The following PCDH15 variants were observed in gnomAD, a reference collection of about 807,000 sequenced individuals.
The protein encoded by PCDH15 is protocadherin-15.
A neutral mutation model predicts 178.5 loss-of-function variants in PCDH15; 129 were observed. The ratio of observed to expected loss-of-function variants is 0.72; its 90% CI spans 0.63 to 0.84. The LOEUF (loss-of-function observed/expected upper bound fraction) is 0.84. Among genes scored for constraint, PCDH15 ranks in the 40% least tolerant of loss-of-function variants. The pLI is 0.00. For synonymous variants in PCDH15, 800 were observed against 732.0 expected, an observed-to-expected ratio of 1.09 and a Z score of -1.50; for missense variants, 2,230 against 2,099.9, an observed-to-expected ratio of 1.06 and a Z score of -1.21.
intron 2 of PCDH15, among the ~76,000 whole-genome samples, chr10:55,073,788 G>C (rs986367096): frequency 1.3e-5 from 2 of 151,840 alleles, no homozygotes; most frequent in East Asian, 1.9e-4. Flanking sequence ...GGCTTTTTTG[G>C]GGGGGAGAAT....
chr10:54,944,150 C>T (rs1451222296), intron 2 of PCDH15, among the ~76,000 whole-genome samples: 2 of 151,854 alleles, frequency 1.3e-5, no homozygotes, highest in African/African-American at 4.8e-5. Flanking sequence ...ATTTGAAACT[C>T]ATTTTTTAGA....
At chr10:54,535,687 C>G (rs1267076633) in intron 2 of PCDH15, among the ~76,000 whole-genome samples, 4 of 113,112 alleles carry the variant, frequency 3.5e-5, no homozygotes, top group African/African-American at 1.4e-4. Flanking sequence ...TCCAGCCTGG[C>G]AGACAGAGCG....
At chr10:54,747,773 T>C (rs889981328) in intron 1 of PCDH15, among the ~76,000 whole-genome samples, 1 of 152,056 alleles carries the variant, frequency 6.6e-6, no homozygotes, top group Non-Finnish European at 1.5e-5. Flanking sequence ...GGAGCCAATA[T>C]TATTTTTAAA....
intron 2 of PCDH15, among the ~76,000 whole-genome samples, chr10:55,352,531 C>A (rs1257949878): frequency 1.3e-5 from 2 of 152,124 alleles, no homozygotes; most frequent in Non-Finnish European, 2.9e-5. Flanking sequence ...GATCCTCTTA[C>A]AACTACAAGA....
chr10:53,992,941 C>G (rs1041429975), intron 21 of PCDH15, among the ~76,000 whole-genome samples: 1 of 152,168 alleles, frequency 6.6e-6, no homozygotes, highest in Non-Finnish European at 1.5e-5. Flanking sequence ...CAATAGTGCT[C>G]TCTCTGGCTT....
At chr10:54,723,705 A>AAAAC (rs1555169357) in intron 1 of PCDH15, among the ~76,000 whole-genome samples, 1 of 146,534 alleles carries the variant, frequency 6.8e-6, no homozygotes, top group Non-Finnish European at 1.5e-5. Context: ...AACAAGAAAA[A>AAAAC]AAATAATTCC....
chr10:54,011,032 T>G (rs978458520), intron 20 of PCDH15, among the ~76,000 whole-genome samples: 1 of 152,140 alleles, frequency 6.6e-6, no homozygotes, highest in Non-Finnish European at 1.5e-5. Context: ...AGTCATCATA[T>G]AGAGAGAAGC....
intron 18 of PCDH15, among the ~76,000 whole-genome samples, chr10:54,054,059 G>T (rs182485047): frequency 1.6e-4 from 24 of 152,138 alleles, no homozygotes; most frequent in African/African-American, 5.3e-4. Flanking sequence ...GTTAATTGAG[G>T]TACAGAATTC....
At chr10:54,430,497 A>C (rs1347941831) in intron 3 of PCDH15, among the ~76,000 whole-genome samples, 1 of 152,186 alleles carries the variant, frequency 6.6e-6, no homozygotes, top group African/African-American at 2.4e-5. Context: ...ACTAGAAATC[A>C]ATAAAAAATT....
chr10:54,710,559 G>T (rs1436370543), intron 1 of PCDH15, among the ~76,000 whole-genome samples: 1 of 151,916 alleles, frequency 6.6e-6, no homozygotes, highest in Non-Finnish European at 1.5e-5. Flanking sequence ...AATGACCACA[G>T]TCTAGATTTC....
Position 55,253,292 on chromosome 10 carries a change from T to A in PCDH15, c.-156+66307A>T, listed in dbSNP as rs188244233. 1.7e-4 allele frequency among the ~76,000 whole-genome samples: 26 copies of A among 151,814 alleles called. 1 individual carries two copies. The highest frequency in any genetic ancestry group is 2.9e-4 in the Non-Finnish European group (20 of 67,848). ...TGTGCATGCAAGTAAGAACTTAAAG[T>A]TTAACCAAACCAAATATTTAGTAGA... On this transcript the variant is annotated intron_variant, in intron 1 of 5. Coordinates refer to the PCDH15 transcript ENST00000458638.
chr10:55,162,808 T>C (rs1056428053), intron 2 of PCDH15, among the ~76,000 whole-genome samples: 1 of 152,160 alleles, frequency 6.6e-6, no homozygotes, highest in Admixed American at 6.6e-5. Flanking sequence ...CTACTATGGC[T>C]GTGAAGTCAG....
chr10:54,891,069 A>G (rs1034542353), intron 3 of PCDH15, among the ~76,000 whole-genome samples: 2 of 152,098 alleles, frequency 1.3e-5, no homozygotes, highest in Non-Finnish European at 2.9e-5. Flanking sequence ...GGTCCTTTTG[A>G]CACCGATGCA....
intron 2 of PCDH15, among the ~76,000 whole-genome samples, chr10:54,963,024 T>C (rs1206868186): frequency 6.6e-6 from 1 of 152,252 alleles, no homozygotes; most frequent in Non-Finnish European, 1.5e-5. Context: ...CAAGTACATC[T>C]AACTATAACA....
intron 2 of PCDH15, among the ~76,000 whole-genome samples, chr10:55,340,588 G>C (rs1261401878): frequency 6.6e-6 from 1 of 151,786 alleles, no homozygotes; most frequent in Non-Finnish European, 1.5e-5. Flanking sequence ...ATATATTCGT[G>C]TACAACAAAT....
At chr10:54,484,990 T>G (rs1218636853) in intron 3 of PCDH15, among the ~76,000 whole-genome samples, 2 of 151,876 alleles carry the variant, frequency 1.3e-5, no homozygotes, top group Non-Finnish European at 2.9e-5. Context: ...ATCTAAAAGT[T>G]AAGGCTACAG....
intron 1 of PCDH15, among the ~76,000 whole-genome samples, chr10:55,215,533 T>C (rs1169672789): frequency 2.0e-5 from 3 of 152,092 alleles, no homozygotes; most frequent in African/African-American, 4.8e-5. Context: ...TTGTATGTAA[T>C]GAAAACAACA....
Position 54,759,311 on chromosome 10 carries a change from C to A in PCDH15, c.-29+41614G>T, listed in dbSNP as rs547717014. ...TCAGGTTGCAAAATGTGAGCATTTC[C>A]TAAATTTGCTGTGAACCCTCAGGAA... On this transcript the variant is annotated intron_variant, in intron 1 of 37. Coordinates refer to ENST00000644397, the MANE Select transcript of PCDH15 (RefSeq NM_001384140.1). Among the ~76,000 whole-genome samples the A allele has an allele frequency of 4.6e-5, 7 of 152,030 alleles. 1 individual carries two copies. The highest frequency in any genetic ancestry group is 1.7e-4 in the African/African-American group (7 of 41,468).
At chr10:54,822,833 G>GA (rs964415858) in intron 3 of PCDH15, among the ~76,000 whole-genome samples, 8 of 151,610 alleles carry the variant, frequency 5.3e-5, no homozygotes, top group African/African-American at 1.2e-4. Flanking sequence ...TAACTGGGAT[G>GA]AAAAAAATCT....
Sources: gnomAD v4.1 joint callset for allele counts (sites outside exome capture counted in the v4.1 genomes callset) on GRCh38, gnomAD v4.1.1 for gene constraint, MANE v1.5 for transcripts, NCBI Gene and HGNC (gene_info 2026-07-23, HGNC 2026-07-21) for gene names.